MAP2K4: variants seen among roughly 807,000 people sequenced by gnomAD.
The protein encoded by MAP2K4 is mitogen-activated protein kinase kinase 4.
Under a neutral mutation model 48.5 loss-of-function variants are expected in MAP2K4, and 4 were observed. The ratio of observed to expected loss-of-function variants is 0.08; its 90% CI spans 0.04 to 0.19. MAP2K4 has a LOEUF of 0.19. Ranked by LOEUF, MAP2K4 falls within the 10% of genes least tolerant of loss-of-function variation. The pLI is 1.00. For missense variants in MAP2K4, 258 were observed against 493.3 expected (o/e 0.52, Z 4.52); for synonymous variants, 166 against 173.1 (o/e 0.96, Z 0.32).
At chr17:12,128,491 G>GT (rs1272694152) in intron 8 of MAP2K4, among the ~76,000 whole-genome samples, 1 of 151,812 alleles carries the variant, frequency 6.6e-6, no homozygotes, top group African/African-American at 2.4e-5. Flanking sequence ...TGGGACATAC[G>GT]TAAGACTCTT....
intron 3 of MAP2K4, among the ~76,000 whole-genome samples, chr17:12,090,335 G>T (rs892390495): frequency 2.6e-5 from 4 of 152,098 alleles, no homozygotes; most frequent in African/African-American, 9.7e-5. Context: ...TTGGGATAAG[G>T]TGTGTGCTGA....
At chr17:12,098,455 G>A (rs1971830119) in intron 4 of MAP2K4, among the ~76,000 whole-genome samples, 1 of 148,828 alleles carries the variant, frequency 6.7e-6, no homozygotes, top group Non-Finnish European at 1.5e-5. Context: ...TCCAGCCTGG[G>A]CAACAGAGCG....
chr17:12,089,671 T>C (rs1168645878), intron 3 of MAP2K4, among the ~76,000 whole-genome samples: 1 of 152,178 alleles, frequency 6.6e-6, no homozygotes, highest in Non-Finnish European at 1.5e-5. Context: ...CTGCTCTTAC[T>C]GTCTTTTTAT....
intron 4 of MAP2K4, among the ~76,000 whole-genome samples, chr17:12,096,487 A>T (rs1971763828): frequency 6.6e-6 from 1 of 152,188 alleles, no homozygotes; most frequent in Non-Finnish European, 1.5e-5. Flanking sequence ...CGCCATCAAA[A>T]ATTGTGATAC....
At chr17:12,093,247 A>C (rs1186200990) in intron 3 of MAP2K4, among the ~76,000 whole-genome samples, 2 of 152,216 alleles carry the variant, frequency 1.3e-5, no homozygotes, top group Non-Finnish European at 2.9e-5. Flanking sequence ...ATACTTACAG[A>C]TGAATAGGTT....
At chr17:12,038,138 A>G (rs1321776195) in intron 1 of MAP2K4, among the ~76,000 whole-genome samples, 4 of 152,178 alleles carry the variant, frequency 2.6e-5, no homozygotes, top group East Asian at 1.9e-4. Flanking sequence ...TCAGAGTTGA[A>G]CAGATACAGA....
chr17:12,077,516 C>A (rs1971051504), intron 2 of MAP2K4, among the ~76,000 whole-genome samples: 1 of 152,158 alleles, frequency 6.6e-6, no homozygotes, highest in Non-Finnish European at 1.5e-5. Context: ...GTAGTAGCTT[C>A]ACTGTTATTG....
intron 1 of MAP2K4, among the ~76,000 whole-genome samples, chr17:12,037,325 T>C (rs1375704257): frequency 1.3e-5 from 2 of 152,168 alleles, no homozygotes; most frequent in Non-Finnish European, 2.9e-5. Flanking sequence ...GGAAAGATAC[T>C]AAGTTTACTG....
At chr17:12,037,109 A>G (rs149929829) in intron 1 of MAP2K4, among the ~76,000 whole-genome samples, 3 of 152,274 alleles carry the variant, frequency 2.0e-5, no homozygotes, top group African/African-American at 4.8e-5. Context: ...CTCCAGAGCT[A>G]TTATTCTGGA....
Position 12,143,194 on chromosome 17 carries a change from A to G in MAP2K4, c.*1934A>G, listed in dbSNP as rs1973430289. The G allele has an allele frequency of 8.6e-6, 2 of 232,824 alleles. No individual in the cohort carries two copies. The highest frequency in any genetic ancestry group is 4.4e-5 in the African/African-American group (2 of 45,286). The allele number at this position is 232,824 out of a possible 1,614,324, so 14.4% of individuals were successfully genotyped here. A position where few individuals can be genotyped will look rare whatever the true frequency, so the allele number is the denominator to read the frequency against. On this transcript the variant is annotated 3_prime_UTR_variant, in exon 11 of 11. Coordinates refer to ENST00000353533, the MANE Select transcript of MAP2K4 (RefSeq NM_003010.4). ...CATTGCTCCCGGGGACTCAAGAGGA[A>G]TCTGTTTCTCTGCTGTCAACTTCCC...
At chr17:12,127,762 A>G (rs1163944468) in intron 8 of MAP2K4, among the ~76,000 whole-genome samples, 2 of 152,226 alleles carry the variant, frequency 1.3e-5, no homozygotes, top group Admixed American at 1.3e-4. Context: ...AAAAGCATTT[A>G]TAATTTTAAC....
At position 12,124,911 on chromosome 17, in the gene MAP2K4, C is replaced by A. The variant is rs28923235; in HGVS notation, c.814-383C>A. The A allele has an allele frequency of 6.2e-3, 1,181 of 191,680 alleles. 8 individuals are homozygous for A. Among genetic ancestry groups the A allele is most frequent in the East Asian group, 0.036 (290 of 8,094 alleles). 11.9% of individuals were successfully genotyped at this position (191,680 alleles called of 1,614,324 possible). ...AGGATGGTCTCGATCTGCTGACCTC[C>A]TGATCCACCCGCTTCGGCCTCCCAA... On this transcript the variant is annotated intron_variant, in intron 7 of 10. Coordinates refer to ENST00000353533, the MANE Select transcript of MAP2K4 (RefSeq NM_003010.4).
At chr17:12,113,488 C>A in intron 7 of MAP2K4, 128 bp downstream of exon 7, 1 of 1,116,712 alleles carries the variant, frequency 9.0e-7, no homozygotes, top group Non-Finnish European at 1.2e-6. Context: ...CCCTAAGGCC[C>A]AAGCTCAGGT....
chr17:12,042,733 C>T (rs532749420), intron 1 of MAP2K4, among the ~76,000 whole-genome samples: 1 of 152,108 alleles, frequency 6.6e-6, no homozygotes, highest in East Asian at 1.9e-4. Context: ...ATGATGTGGA[C>T]GTACACACTC....
intron 1 of MAP2K4, among the ~76,000 whole-genome samples, chr17:12,034,469 T>C (rs1969532846): frequency 6.6e-6 from 1 of 152,250 alleles, no homozygotes. Context: ...TTCACATCTC[T>C]CTTTTTATTT....
chr17:12,071,787 G>C (rs149147792), intron 2 of MAP2K4, among the ~76,000 whole-genome samples: 1 of 152,168 alleles, frequency 6.6e-6, no homozygotes, highest in Non-Finnish European at 1.5e-5. Context: ...ATAGACCAGT[G>C]AACCTGAGAT....
chr17:12,096,067 T>TCACCCCC (rs1971741667), intron 4 of MAP2K4, among the ~76,000 whole-genome samples: 1 of 23,760 alleles, frequency 4.2e-5, no homozygotes, highest in African/African-American at 1.5e-4. Context: ...GAGCAACGCC[T>TCACCCCC]CCCCCCCCCC....
chr17:12,021,094 G>A (rs995751969), intron 1 of MAP2K4, 93 bp downstream of exon 1: 1 of 747,246 alleles, frequency 1.3e-6, no homozygotes, highest in Non-Finnish European at 1.8e-6. Context: ...GGACCCGGCT[G>A]AGGAAGCCAC....
At chr17:12,080,525 A>AT (rs1054068304) in intron 2 of MAP2K4, among the ~76,000 whole-genome samples, 45 of 152,248 alleles carry the variant, frequency 3.0e-4, no homozygotes, top group Middle Eastern at 6.8e-3. Flanking sequence ...TTTGGAGATG[A>AT]TTTTTTATTT....
Sources: allele counts gnomAD v4.1 joint callset (sites outside exome capture counted in the v4.1 genomes callset), GRCh38; gene constraint gnomAD v4.1.1; transcripts MANE v1.5; gene names NCBI Gene and HGNC (gene_info 2026-07-23, HGNC 2026-07-21).